The following IAPP variants were observed in gnomAD, a reference collection of about 807,000 sequenced individuals.
The protein encoded by IAPP is Islet amyloid polypeptide (diabetes-associated peptide; amylin).
In IAPP, 4 loss-of-function variants were observed where a neutral mutation model predicts 2.9. That is an observed-to-expected ratio of 1.39 (90% CI 0.69 to 3.19). The LOEUF (loss-of-function observed/expected upper bound fraction) is 3.19, where lower values mean the gene tolerates loss of function less well. IAPP is among the 30% of genes most tolerant of loss of function. The probability of loss-of-function intolerance (pLI) is 0.01; values close to 1 mark genes in which losing one functional copy is unlikely to be tolerated. For missense variants in IAPP, 114 were observed against 105.3 expected (o/e 1.08, Z -0.36); for synonymous variants, 40 against 42.1 (o/e 0.95, Z 0.19).
chr12:21,374,424 T>G (rs1940036133), intron 2 of IAPP: 1 of 152,158 alleles, frequency 6.6e-6, no homozygotes, highest in African/African-American at 2.4e-5. Flanking sequence ...GCATGTCATA[T>G]TATAATTCTT....
At chr12:21,356,082 A>C (rs950038840) in intron 1 of IAPP, among the ~76,000 whole-genome samples, 1 of 152,092 alleles carries the variant, frequency 6.6e-6, no homozygotes, top group Non-Finnish European at 1.5e-5. Context: ...ATAGAGAAAA[A>C]AATTCAAGAA....
upstream of IAPP, among the ~76,000 whole-genome samples, chr12:21,369,551 C>T (rs1177565336): frequency 6.6e-6 from 1 of 152,182 alleles, no homozygotes; most frequent in Non-Finnish European, 1.5e-5. Flanking sequence ...ATGATAACCA[C>T]CGTAGAGGTG....
At chr12:21,361,020 C>T (rs1938819997) in intron 1 of IAPP, among the ~76,000 whole-genome samples, 1 of 152,226 alleles carries the variant, frequency 6.6e-6, no homozygotes, top group South Asian at 2.1e-4. Context: ...CCCTGTCTGA[C>T]AGCTTTGAAG....
At chr12:21,365,600 G>A (rs1300280278) in intron 1 of IAPP, among the ~76,000 whole-genome samples, 1 of 152,144 alleles carries the variant, frequency 6.6e-6, no homozygotes, top group Non-Finnish European at 1.5e-5. Context: ...TACCATCAGA[G>A]TGAACAGGCA....
chr12:21,365,556 T>C (rs1939308320), intron 1 of IAPP, among the ~76,000 whole-genome samples: 1 of 152,188 alleles, frequency 6.6e-6, no homozygotes, highest in African/African-American at 2.4e-5. Context: ...TGGGAACTAA[T>C]TGAACTAAAG....
At chr12:21,357,219 G>A (rs1938437966) in intron 1 of IAPP, among the ~76,000 whole-genome samples, 2 of 152,066 alleles carry the variant, frequency 1.3e-5, no homozygotes. Context: ...TTAAGATGAA[G>A]TCATACTGAG....
intron 1 of IAPP, among the ~76,000 whole-genome samples, chr12:21,367,587 C>T (rs554370292): frequency 3.0e-4 from 46 of 151,244 alleles, no homozygotes; most frequent in Non-Finnish European, 3.8e-4. Flanking sequence ...ACTGAACAAT[C>T]GAAAAAGAGG....
intron 1 of IAPP, among the ~76,000 whole-genome samples, chr12:21,355,408 G>C (rs888706514): frequency 3.9e-5 from 6 of 152,156 alleles, no homozygotes; most frequent in Non-Finnish European, 8.8e-5. Context: ...CGAAGTGTGA[G>C]GGGGTAGGCA....
chr12:21,377,756 A>G (rs1940307137), intron 2 of IAPP, among the ~76,000 whole-genome samples: 1 of 152,246 alleles, frequency 6.6e-6, no homozygotes, highest in Admixed American at 6.5e-5. Context: ...CATTTCTTGC[A>G]TAACACTCCT....
upstream of IAPP, among the ~76,000 whole-genome samples, chr12:21,370,170 A>G (rs1337089878): frequency 6.6e-6 from 1 of 152,184 alleles, no homozygotes; most frequent in Admixed American, 6.5e-5. Context: ...TGTAACCTTA[A>G]GCAAGTCACT....
chr12:21,372,459 T>C (rs188450263), upstream of IAPP, among the ~76,000 whole-genome samples: 14 of 152,342 alleles, frequency 9.2e-5, no homozygotes, highest in Non-Finnish European at 1.5e-5. Flanking sequence ...GCCCTTTTTA[T>C]ACACCTTTCC....
intron 2 of IAPP, among the ~76,000 whole-genome samples, chr12:21,375,428 CT>C (rs1198553142): frequency 6.6e-6 from 1 of 152,092 alleles, no homozygotes; most frequent in Non-Finnish European, 1.5e-5. Context: ...ATTTTAAACT[CT>C]TTTTAAAAAA....
At chr12:21,374,819 G>GTCTCTCTCTC (rs71043266) in intron 2 of IAPP, among the ~76,000 whole-genome samples, 3,798 of 148,326 alleles carry the variant, frequency 0.026, 172 homozygotes, top group African/African-American at 0.089. Context: ...TTGAGACAGG[G>GTCTCTCTCTC]TCTCTCTCTC....
chr12:21,375,148 T>C (rs2137100860), intron 2 of IAPP, among the ~76,000 whole-genome samples: 1 of 152,316 alleles, frequency 6.6e-6, no homozygotes, highest in African/African-American at 2.4e-5. Flanking sequence ...TTGTTTATTA[T>C]GAGAGAAACT....
At chr12:21,375,113 C>T (rs1591897085) in intron 2 of IAPP, among the ~76,000 whole-genome samples, 1 of 152,272 alleles carries the variant, frequency 6.6e-6, no homozygotes, top group Admixed American at 6.5e-5. Context: ...CCACTGAACC[C>T]AGACCATTAT....
At chr12:21,359,506 A>C (rs1938644917) in intron 1 of IAPP, among the ~76,000 whole-genome samples, 1 of 152,198 alleles carries the variant, frequency 6.6e-6, no homozygotes, top group Non-Finnish European at 1.5e-5. Flanking sequence ...ATAACCTTGC[A>C]ATGAAATCCA....
At chr12:21,370,109 C>G (rs954528237), upstream of IAPP, among the ~76,000 whole-genome samples, 1 of 152,084 alleles carries the variant, frequency 6.6e-6, no homozygotes, top group Admixed American at 6.5e-5. Context: ...AAACAAATAT[C>G]CTGGATCAGA....
upstream of IAPP, among the ~76,000 whole-genome samples, chr12:21,372,024 A>G (rs1320422309): frequency 1.3e-5 from 2 of 152,086 alleles, no homozygotes; most frequent in Non-Finnish European, 2.9e-5. Flanking sequence ...AAAAAAAAAG[A>G]AAGAGAGAAA....
chr12:21,357,826 A>C lies in IAPP; in HGVS notation c.-16+2813A>C, dbSNP rs187004728. Among the ~76,000 whole-genome samples, 76 of 152,354 alleles carry C rather than the reference A, an allele frequency of 5.0e-4. No individual in the cohort carries two copies. In the East Asian group the frequency reaches 7.5e-3, roughly 15 times the overall value. On this transcript the variant is annotated intron_variant, in intron 1 of 2. Transcript: ENST00000539393. ...CTTAAAAAATGCATTTTCTTTTAAA[A>C]TATGAAAACAGTATTAGAAAACACA...
Sources: gnomAD v4.1 joint callset for allele counts (sites outside exome capture counted in the v4.1 genomes callset) on GRCh38, gnomAD v4.1.1 for gene constraint, MANE v1.5 for transcripts, NCBI Gene and HGNC (gene_info 2026-07-23, HGNC 2026-07-21) for gene names.